The following BCAS3 variants were observed in gnomAD, a reference collection of about 807,000 sequenced individuals.
BCAS3 encodes the protein BCAS3 microtubule associated cell migration factor.
Under a neutral mutation model 116.1 loss-of-function variants are expected in BCAS3, and 53 were observed. That is an observed-to-expected ratio of 0.46 (90% CI 0.37 to 0.57). The LOEUF (loss-of-function observed/expected upper bound fraction) is 0.57. BCAS3 is among the 20% of genes least tolerant of loss of function. The pLI, the probability that BCAS3 is intolerant of heterozygous loss-of-function variation, is 0.00. For missense variants in BCAS3, 917 were observed against 1,165.4 expected, an observed-to-expected ratio of 0.79 and a Z score of 3.10; for synonymous variants, 391 against 408.2, an observed-to-expected ratio of 0.96 and a Z score of 0.51.
chr17:60,701,857 C>G (rs113048462), intron 4 of BCAS3, among the ~76,000 whole-genome samples: 1 of 151,384 alleles, frequency 6.6e-6, no homozygotes, highest in Non-Finnish European at 1.5e-5. Flanking sequence ...GCCTGTAATC[C>G]CAGCTTCTTG....
intron 12 of BCAS3, 77 bp downstream of exon 12, chr17:60,910,779 T>C: frequency 7.5e-7 from 1 of 1,329,968 alleles, no homozygotes; most frequent in Admixed American, 2.5e-5. Flanking sequence ...TCAAAATGTA[T>C]TTGGCCTAGG....
chr17:60,736,375 G>A (rs886790682), intron 5 of BCAS3, among the ~76,000 whole-genome samples: 2 of 151,004 alleles, frequency 1.3e-5, no homozygotes, highest in African/African-American at 2.4e-5. Context: ...TATTAGAGAC[G>A]GTGTTTCTCC....
intron 7 of BCAS3, among the ~76,000 whole-genome samples, chr17:60,846,798 CCT>C (rs892055984): frequency 6.6e-6 from 1 of 152,084 alleles, no homozygotes; most frequent in Non-Finnish European, 1.5e-5. Context: ...TCCCTCCCTC[CCT>C]CTCTTTCTCT....
Position 61,037,469 on chromosome 17 carries a change from C to T in BCAS3, c.1763-420C>T, listed in dbSNP as rs939596560. 2.6e-5 allele frequency among the ~76,000 whole-genome samples: 4 copies of T among 152,154 alleles called. No individual in the cohort carries two copies. The highest frequency in any genetic ancestry group is 3.9e-4 in the East Asian group (2 of 5,182). On this transcript the variant is annotated intron_variant, in intron 17 of 23. Coordinates refer to ENST00000407086, the MANE Select transcript of BCAS3 (RefSeq NM_017679.5). The surrounding 1 kb of genome is among the most constrained non-coding windows in gnomAD (Gnocchi z 4.7). ...GCAACCTTTAGGCAAGGAACAAGCA[C>T]CATATGAAAAAATTCCTGTCGTCTG...
chr17:60,706,504 A>G (rs1312715399), intron 4 of BCAS3, among the ~76,000 whole-genome samples: 1 of 152,188 alleles, frequency 6.6e-6, no homozygotes, highest in Admixed American at 6.6e-5. Flanking sequence ...GGCCAGCAGT[A>G]AGCTATTAGC....
intron 23 of BCAS3, among the ~76,000 whole-genome samples, chr17:61,372,739 C>T (rs1184889894): frequency 3.9e-5 from 6 of 152,160 alleles, no homozygotes; most frequent in African/African-American, 1.4e-4. Flanking sequence ...GCCTGGAATG[C>T]TGTCTCTCAA....
At position 60,902,688 on chromosome 17, in the gene BCAS3, C is replaced by A. The variant is rs752241809; in HGVS notation, c.807C>A (p.Val269=). The stretch of plus-strand genomic sequence containing the variant: ...ACATTCAGTCTTATACTGCCACAGT[C>A]ATTAGTGCTGCTAAAGTGAGTACCT... The part of the protein sequence containing the change: ...GDNIQSYTAT[V]ISAAKTLKSG... Residue 269 remains valine, a synonymous_variant, in exon 11 of 24, where the codon GTC becomes GTA. Transcript: ENST00000407086. The A allele has an allele frequency of 6.2e-7, 1 of 1,610,286 alleles. No homozygotes were observed. The highest frequency in any genetic ancestry group is 1.1e-5 in the South Asian group (1 of 90,964).
chr17:61,107,882 G>A (rs968605841), intron 22 of BCAS3, among the ~76,000 whole-genome samples: 1 of 152,212 alleles, frequency 6.6e-6, no homozygotes, highest in African/African-American at 2.4e-5. Context: ...AGGCCCACAA[G>A]CACAGTTGCT....
intron 4 of BCAS3, among the ~76,000 whole-genome samples, chr17:60,707,742 CAT>C (rs2037352613): frequency 6.6e-6 from 1 of 152,090 alleles, no homozygotes; most frequent in Non-Finnish European, 1.5e-5. Flanking sequence ...GCTTTTTTAA[CAT>C]ATATTGAAAT....
Position 61,184,756 on chromosome 17 carries a change from C to T in BCAS3, c.2425+100192C>T, listed in dbSNP as rs139459536. Among the ~76,000 whole-genome samples, 708 of 152,190 alleles carry T rather than the reference C, an allele frequency of 4.7e-3. 1 individual carries two copies. Among genetic ancestry groups the T allele is most frequent in the Non-Finnish European group, 6.5e-3 (439 of 67,982 alleles). ...ACAGACAAATCATGTTACCTCCCTA[C>T]TTAGCAATAAAAAGAAGGAAGTACG... On this transcript the variant is annotated intron_variant, in intron 22 of 23. Coordinates refer to ENST00000407086, the MANE Select transcript of BCAS3 (RefSeq NM_017679.5).
Position 60,693,722 on chromosome 17 carries a change from C to T in BCAS3, c.214+3961C>T, listed in dbSNP as rs138467083. Among the ~76,000 whole-genome samples, 12 of 151,462 alleles carry T rather than the reference C, an allele frequency of 7.9e-5. No homozygotes were observed. The East Asian group carries it at 1.9e-3, about 25-fold the overall frequency. ...GCTACTATGCCCGGCATGGCCAGTTCTAATATCAAGGTCTAGTACTATATT... is the reference window on the plus strand; with the variant it reads ...GCTACTATGCCCGGCATGGCCAGTTTTAATATCAAGGTCTAGTACTATATT... On this transcript the variant is annotated intron_variant, in intron 4 of 23. Transcript: ENST00000407086.
intron 5 of BCAS3, among the ~76,000 whole-genome samples, chr17:60,732,937 A>G (rs1261756386): frequency 6.6e-6 from 1 of 152,234 alleles, no homozygotes; most frequent in Non-Finnish European, 1.5e-5. Context: ...TTAAATATTA[A>G]TAGCATGATT....
At chr17:60,913,230 G>T (rs151194247) in intron 12 of BCAS3, among the ~76,000 whole-genome samples, 440 of 152,076 alleles carry the variant, frequency 2.9e-3, no homozygotes, top group Non-Finnish European at 3.8e-3. Flanking sequence ...TAAAAGTTAA[G>T]AATCTTAAAT....
At position 61,095,263 on chromosome 17, in the gene BCAS3, T is replaced by A. The variant is rs954891725; in HGVS notation, c.2425+10699T>A. ...AGCAGATATGAGAATCTAGCTGTTGTCTATTAGAGGATTTTCTCTTAAAAA... is the reference window on the plus strand; with the variant it reads ...AGCAGATATGAGAATCTAGCTGTTGACTATTAGAGGATTTTCTCTTAAAAA... On this transcript the variant is annotated intron_variant, in intron 22 of 23. Coordinates refer to ENST00000407086, the MANE Select transcript of BCAS3 (RefSeq NM_017679.5). This position sits in a 1 kb window ranked among gnomAD's most constrained non-coding sequence, Gnocchi z 4.7. 6.6e-6 allele frequency among the ~76,000 whole-genome samples: 1 copy of A among 152,224 alleles called. No individual in the cohort carries two copies. The highest frequency in any genetic ancestry group is 2.4e-5 in the African/African-American group (1 of 41,474).
chr17:61,114,937 A>T (rs530779577), intron 22 of BCAS3, among the ~76,000 whole-genome samples: 3 of 152,104 alleles, frequency 2.0e-5, no homozygotes, highest in African/African-American at 7.2e-5. Flanking sequence ...ATAACGCCTC[A>T]TATCTACAAC....
chr17:61,103,846 C>T (rs1294838346), intron 22 of BCAS3, among the ~76,000 whole-genome samples: 2 of 152,174 alleles, frequency 1.3e-5, no homozygotes, highest in African/African-American at 4.8e-5. Flanking sequence ...TCCCTAAATA[C>T]ACAAAAGATT....
At chr17:60,766,532 C>T (rs2044114692) in intron 6 of BCAS3, among the ~76,000 whole-genome samples, 1 of 152,184 alleles carries the variant, frequency 6.6e-6, no homozygotes, top group South Asian at 2.1e-4. Flanking sequence ...AGCTGCAGAA[C>T]AGCAAATATT....
At chr17:60,929,812 A>G (rs2059552887) in intron 13 of BCAS3, among the ~76,000 whole-genome samples, 1 of 147,020 alleles carries the variant, frequency 6.8e-6, no homozygotes, top group Non-Finnish European at 1.5e-5. Context: ...GAGTGAGAAC[A>G]TGCGGTGTTT....
At chr17:60,841,672 G>A (rs540134949) in intron 7 of BCAS3, among the ~76,000 whole-genome samples, 25 of 151,578 alleles carry the variant, frequency 1.6e-4, no homozygotes, top group South Asian at 1.0e-3. Flanking sequence ...GAGCCATTGC[G>A]CATGGCCTAT....
Sources: gnomAD v4.1 joint callset for allele counts (sites outside exome capture counted in the v4.1 genomes callset) on GRCh38, gnomAD v4.1.1 for gene constraint, Gnocchi (gnomAD v3.1) non-coding constraint, MANE v1.5 for transcripts, NCBI Gene and HGNC (gene_info 2026-07-23, HGNC 2026-07-21) for gene names.